The following TOX3 variants were observed in gnomAD, a reference collection of about 807,000 sequenced individuals.
TOX3 encodes the protein TOX high mobility group box family member 3, also known as CAG trinucleotide repeat-containing gene F9 protein.
Under a neutral mutation model 64.3 loss-of-function variants are expected in TOX3, and 22 were observed. The observed-to-expected ratio is 0.34, with a 90% CI of 0.24 to 0.49. The LOEUF is 0.49. Among genes scored for constraint, TOX3 ranks in the 20% least tolerant of loss-of-function variants. The pLI is 0.99. For synonymous variants in TOX3, 291 were observed against 273.6 expected, an observed-to-expected ratio of 1.06 and a Z score of -0.63; for missense variants, 661 against 714.4, an observed-to-expected ratio of 0.93 and a Z score of 0.85.
intron 1 of TOX3, among the ~76,000 whole-genome samples, chr16:52,527,606 C>T (rs549156075): frequency 5.3e-5 from 8 of 152,258 alleles, no homozygotes; most frequent in South Asian, 2.1e-4. Flanking sequence ...CTGAAACACG[C>T]GTAGATTATT....
intron 1 of TOX3, among the ~76,000 whole-genome samples, chr16:52,541,337 A>G (rs967270215): frequency 3.9e-5 from 6 of 152,228 alleles, no homozygotes; most frequent in South Asian, 4.1e-4. Flanking sequence ...TTGCTCCTTT[A>G]GTTTCTTCTC....
intron 1 of TOX3, among the ~76,000 whole-genome samples, chr16:52,512,501 T>A (rs1415494364): frequency 6.6e-6 from 1 of 152,220 alleles, no homozygotes; most frequent in Non-Finnish European, 1.5e-5. Context: ...CATGATCCCA[T>A]GCCAGGCACG....
chr16:52,450,574 A>G (rs1960309265), intron 3 of TOX3, 28 bp from the exon 4 acceptor site: 2 of 1,612,406 alleles, frequency 1.2e-6, no homozygotes, highest in Middle Eastern at 1.7e-4. Flanking sequence ...AAGGGGGAAA[A>G]TATTTCAGCT....
intron 1 of TOX3, among the ~76,000 whole-genome samples, chr16:52,496,850 G>A (rs992248908): frequency 6.6e-6 from 1 of 151,458 alleles, no homozygotes; most frequent in Non-Finnish European, 1.5e-5. Flanking sequence ...TAGTGCCCAC[G>A]GCAGTCTAAC....
intron 1 of TOX3, among the ~76,000 whole-genome samples, chr16:52,543,213 A>G (rs1366429920): frequency 6.6e-6 from 1 of 152,188 alleles, no homozygotes. Context: ...CAGGTTGAGT[A>G]TCCCTTATCT....
At chr16:52,476,181 A>G (rs1012246731) in intron 1 of TOX3, among the ~76,000 whole-genome samples, 4 of 152,182 alleles carry the variant, frequency 2.6e-5, no homozygotes, top group Non-Finnish European at 5.9e-5. Context: ...GGATGGGAAC[A>G]TCCAAACTTG....
chr16:52,505,384 C>T (rs971302586), intron 1 of TOX3, among the ~76,000 whole-genome samples: 7 of 152,286 alleles, frequency 4.6e-5, no homozygotes, highest in African/African-American at 9.6e-5. Context: ...ATTTCTTCAG[C>T]GGGATTACTT....
intron 2 of TOX3, among the ~76,000 whole-genome samples, chr16:52,465,919 T>C (rs1960851014): frequency 6.6e-6 from 1 of 152,192 alleles, no homozygotes; most frequent in Non-Finnish European, 1.5e-5. Context: ...TATTGGATTT[T>C]CTGACACATG....
intron 2 of TOX3, among the ~76,000 whole-genome samples, 199 bp downstream of exon 2, chr16:52,468,310 A>G (rs1437023438): frequency 6.6e-6 from 1 of 152,210 alleles, no homozygotes; most frequent in Non-Finnish European, 1.5e-5. Flanking sequence ...TACTAACATT[A>G]GTAACAGTCT....
chr16:52,513,797 GA>G (rs1475628433), intron 1 of TOX3, among the ~76,000 whole-genome samples: 4 of 152,156 alleles, frequency 2.6e-5, no homozygotes, highest in African/African-American at 9.7e-5. Context: ...TAGTGATTGT[GA>G]ATTTAAAACT....
At chr16:52,453,849 G>A (rs939177598) in intron 3 of TOX3, among the ~76,000 whole-genome samples, 12 of 152,108 alleles carry the variant, frequency 7.9e-5, no homozygotes, top group African/African-American at 2.9e-4. Context: ...TATGGATCTT[G>A]TTGCTGGGGA....
intron 1 of TOX3, among the ~76,000 whole-genome samples, chr16:52,511,630 T>A (rs1457286120): frequency 1.3e-5 from 2 of 152,240 alleles, no homozygotes; most frequent in African/African-American, 4.8e-5. Context: ...CTGTGAAGTA[T>A]GTGCTTCTTT....
rs375095307 is a variant in TOX3 at position 52,444,224 on chromosome 16, G to T, written c.987+52C>A. 648 of 1,418,326 alleles carry T rather than the reference G, an allele frequency of 4.6e-4. 2 individuals carry two copies. In the African/African-American group the frequency reaches 8.5e-3, roughly 19 times the overall value. 87.9% of individuals were successfully genotyped at this position (1,418,326 alleles called of 1,614,324 possible). On this transcript the variant is annotated intron_variant, in intron 6 of 6. Coordinates refer to ENST00000219746, the MANE Select transcript of TOX3 (RefSeq NM_001080430.4). ...AGTATGTTTTCAATGCTTGAGGGCTGTTTTCCACGCTGTGACTATTTTGGA... is the reference window on the plus strand; with the variant it reads ...AGTATGTTTTCAATGCTTGAGGGCTTTTTTCCACGCTGTGACTATTTTGGA...
intron 1 of TOX3, among the ~76,000 whole-genome samples, chr16:52,522,313 C>A (rs1962629006): frequency 6.6e-6 from 1 of 152,196 alleles, no homozygotes; most frequent in Non-Finnish European, 1.5e-5. Flanking sequence ...AGGCCAGATG[C>A]AGACTTTAGA....
At position 52,450,309 on chromosome 16, in the gene TOX3, T is replaced by C. The variant is rs1301733747; in HGVS notation, c.646A>G (p.Ile216Val). The change falls in exon 4 of 7, where the codon ATC becomes GTC. Residue 216 changes from isoleucine (I) to valine (V), a missense_variant. Coordinates refer to ENST00000219746, the MANE Select transcript of TOX3 (RefSeq NM_001080430.4). The stretch of plus-strand genomic sequence containing the variant: ...GCTTCATCAGCATCCTCTTCATTGA[T>C]GGAGCTGGAAGGGGAGGGAGTGGCT... ...KSATPSPSSSINEEDADEANR... is the reference protein window; with the variant it reads ...KSATPSPSSSVNEEDADEANR... 2 of 1,613,888 alleles carry C rather than the reference T, an allele frequency of 1.2e-6. No individual in the cohort carries two copies. The highest frequency in any genetic ancestry group is 1.7e-6 in the Non-Finnish European group (2 of 1,179,880).
chr16:52,518,661 A>T (rs149701386), intron 1 of TOX3, among the ~76,000 whole-genome samples: 60 of 152,396 alleles, frequency 3.9e-4, no homozygotes, highest in African/African-American at 1.4e-3. Context: ...TTTCTTAAAT[A>T]TCTACATTAT....
intron 1 of TOX3, among the ~76,000 whole-genome samples, chr16:52,476,748 C>T (rs1437826539): frequency 6.6e-6 from 1 of 152,086 alleles, no homozygotes; most frequent in African/African-American, 2.4e-5. Flanking sequence ...CTATTAAATG[C>T]TACTTAATAG....
Position 52,440,912 on chromosome 16 carries a change from C to T in TOX3, c.988-944G>A, listed in dbSNP as rs1020243717. Among the ~76,000 whole-genome samples, 7 of 151,922 alleles carry T rather than the reference C, an allele frequency of 4.6e-5. No homozygotes were observed. In the East Asian group the frequency reaches 1.2e-3, roughly 25 times the overall value. On this transcript the variant is annotated intron_variant, in intron 6 of 6. Transcript: ENST00000219746. The stretch of plus-strand genomic sequence containing the variant: ...AGTAGCTGGCACTACAGGTGCCCAC[C>T]ACCACACCCAGCTAATTTTTTTGTA...
At chr16:52,480,832 A>G (rs1961349530) in intron 1 of TOX3, among the ~76,000 whole-genome samples, 1 of 152,244 alleles carries the variant, frequency 6.6e-6, no homozygotes. Flanking sequence ...ATGCAGATAA[A>G]GCCATAAACA....
Sources: allele counts gnomAD v4.1 joint callset (sites outside exome capture counted in the v4.1 genomes callset), GRCh38; gene constraint gnomAD v4.1.1; transcripts MANE v1.5; gene names NCBI Gene and HGNC (gene_info 2026-07-23, HGNC 2026-07-21).